Variants in PDE3A observed in about 807,000 individuals in gnomAD.
PDE3A encodes the protein cGMP-inhibited 3',5'-cyclic phosphodiesterase 3A.
PDE3A carries 43 observed loss-of-function variants against 98.3 expected under a neutral mutation model. The observed-to-expected ratio is 0.44, with a 90% CI of 0.34 to 0.56. The LOEUF is 0.56. PDE3A is among the 20% of genes least tolerant of loss of function. The pLI is 0.01. For missense variants in PDE3A, 1,427 were observed against 1,440.7 expected, an observed-to-expected ratio of 0.99 and a Z score of 0.15; for synonymous variants, 663 against 567.9, an observed-to-expected ratio of 1.17 and a Z score of -2.38.
rs1944982709 is a variant in PDE3A, at chr12:20,654,049, G to C, written c.3028G>C (p.Gly1010Arg). The C allele has an allele frequency of 3.1e-6, 5 of 1,614,054 alleles. No individual in the cohort carries two copies. The East Asian group carries it at 1.1e-4, about 36-fold the overall frequency. The change falls in exon 15 of 16, where the codon GGG (glycine) becomes CGG (arginine). Residue 1010 changes from glycine (G) to arginine (R), a missense_variant. By Grantham distance (125) the Gly-to-Arg change is moderately radical. This residue lies in a region of PDE3A where 273 missense variants were observed against 420.3 expected (regional missense o/e 0.65). Transcript: ENST00000359062. ...GGAATCCTTCATCTCTCACATTGTGGGGCCTCTGTGCAACTCCTATGATTC... is the reference window on the plus strand; with the variant it reads ...GGAATCCTTCATCTCTCACATTGTGCGGCCTCTGTGCAACTCCTATGATTC... ...LQESFISHIV[G>R]PLCNSYDSAG...
chr12:20,414,028 G>C (rs985380214), intron 1 of PDE3A, among the ~76,000 whole-genome samples: 1 of 152,160 alleles, frequency 6.6e-6, no homozygotes, highest in African/African-American at 2.4e-5. Flanking sequence ...GAAAGGTGAT[G>C]ATAGATAACA....
At chr12:20,516,605 G>A (rs1946327446) in intron 1 of PDE3A, among the ~76,000 whole-genome samples, 2 of 151,996 alleles carry the variant, frequency 1.3e-5, no homozygotes, top group Non-Finnish European at 1.5e-5. Flanking sequence ...TTTCTAATGA[G>A]GTTTCTTTAA....
intron 1 of PDE3A, among the ~76,000 whole-genome samples, chr12:20,447,436 T>C (rs530759160): frequency 6.6e-6 from 1 of 152,276 alleles, no homozygotes; most frequent in African/African-American, 2.4e-5. Context: ...TTCAGCCCCA[T>C]CTCTCAACCT....
chr12:20,673,839 A>G (rs1592173657), intron 15 of PDE3A, among the ~76,000 whole-genome samples: 1 of 133,328 alleles, frequency 7.5e-6, no homozygotes, highest in African/African-American at 2.9e-5. Context: ...CCTAAAACTT[A>G]AAGTATAATA....
chr12:20,378,593 A>G (rs936759021), intron 1 of PDE3A, among the ~76,000 whole-genome samples: 1 of 151,758 alleles, frequency 6.6e-6, no homozygotes, highest in Non-Finnish European at 1.5e-5. Context: ...GAATCATGGT[A>G]TACAAAGAAG....
At chr12:20,640,010 G>A in intron 10 of PDE3A, 53 bp downstream of exon 10, 3 of 828,738 alleles carry the variant, frequency 3.6e-6, no homozygotes, top group East Asian at 5.0e-5. Flanking sequence ...CGAATTTGCT[G>A]TGGGTAAATG....
At position 20,461,792 on chromosome 12, in the gene PDE3A, G is replaced by A. The variant is rs576419275; in HGVS notation, c.960+91548G>A. Among the ~76,000 whole-genome samples, 10 of 152,232 alleles carry A rather than the reference G, an allele frequency of 6.6e-5. No individual in the cohort carries two copies. In the South Asian group the frequency reaches 1.4e-3, roughly 22 times the overall value. On this transcript the variant is annotated intron_variant, in intron 1 of 15. Transcript: ENST00000359062. ...TTTTCCCAGTTGGTTTACCAAGTGC[G>A]TAAGAATCAGATATCAGTAAAAATG...
At chr12:20,420,323 G>A (rs950942902) in intron 1 of PDE3A, among the ~76,000 whole-genome samples, 1 of 152,026 alleles carries the variant, frequency 6.6e-6, no homozygotes, top group Non-Finnish European at 1.5e-5. Context: ...CTATAAATCC[G>A]ATCTCCACGC....
intron 1 of PDE3A, among the ~76,000 whole-genome samples, chr12:20,383,648 G>T (rs749719979): frequency 4.6e-5 from 7 of 151,954 alleles, no homozygotes; most frequent in Admixed American, 3.9e-4. Context: ...TGGAGTCTCA[G>T]TCTACTCCTA....
intron 1 of PDE3A, chr12:20,371,233 G>T (rs762106711): frequency 8.0e-6 from 2 of 250,680 alleles, no homozygotes; most frequent in African/African-American, 4.6e-5. Flanking sequence ...GCTATAAAGG[G>T]CATAAAGGAA....
At chr12:20,510,071 T>C (rs958824128) in intron 1 of PDE3A, among the ~76,000 whole-genome samples, 12 of 152,046 alleles carry the variant, frequency 7.9e-5, no homozygotes, top group African/African-American at 2.9e-4. Flanking sequence ...TTAATCATTT[T>C]ATGGTAGACA....
intron 1 of PDE3A, among the ~76,000 whole-genome samples, chr12:20,496,902 A>G: frequency 6.6e-6 from 1 of 152,170 alleles, no homozygotes; most frequent in Non-Finnish European, 1.5e-5. Context: ...AGTGTAATTT[A>G]TCTTACTAAT....
intron 1 of PDE3A, among the ~76,000 whole-genome samples, chr12:20,540,604 G>A (rs1401406657): frequency 4.6e-5 from 7 of 152,160 alleles, no homozygotes; most frequent in African/African-American, 1.4e-4. Context: ...GTAAAGTGAC[G>A]ATAGCTTTCA....
intron 15 of PDE3A, among the ~76,000 whole-genome samples, chr12:20,677,585 A>C (rs553326128): frequency 4.6e-5 from 7 of 152,016 alleles, no homozygotes; most frequent in Non-Finnish European, 2.9e-5. Context: ...TCAGCCTTCC[A>C]AGTAGCTGGG....
chr12:20,563,038 G>A (rs76891806), intron 2 of PDE3A, among the ~76,000 whole-genome samples: 1,673 of 152,250 alleles, frequency 0.011, 33 homozygotes, highest in African/African-American at 0.039. Flanking sequence ...GCAACAAATT[G>A]TAAAAATTCT....
In PDE3A at chr12:20,650,556, CA is replaced by C; in HGVS notation, c.2882del (p.His961LeufsTer26). 6.2e-7 allele frequency: 1 copy of C among 1,611,762 alleles called. No individual in the cohort carries two copies. The highest frequency in any genetic ancestry group is 1.1e-5 in the South Asian group (1 of 90,974). On this transcript the variant is annotated frameshift_variant, in exon 14 of 16. Coordinates refer to ENST00000359062, the MANE Select transcript of PDE3A (RefSeq NM_000921.5). LOFTEE classifies it high-confidence loss of function. ...TGGTCCAGCTAAATGTAAAGAACTCCATCTTCAGTGGACAGATGGTATTGTC... is the reference window on the plus strand; with the variant it reads ...TGGTCCAGCTAAATGTAAAGAACTCCTCTTCAGTGGACAGATGGTATTGTC... ...INGPAKCKELHLQWTDGIVNE... is the reference protein window; with the variant it reads ...INGPAKCKELXLQWTDGIVNE...
At chr12:20,402,073 G>T (rs1252017344) in intron 1 of PDE3A, among the ~76,000 whole-genome samples, 1 of 152,174 alleles carries the variant, frequency 6.6e-6, no homozygotes, top group African/African-American at 2.4e-5. Flanking sequence ...GTGGATAGTT[G>T]TGCTGCTGGG....
At chr12:20,593,379 G>A (rs1195225524) in intron 2 of PDE3A, among the ~76,000 whole-genome samples, 4 of 152,108 alleles carry the variant, frequency 2.6e-5, no homozygotes, top group Admixed American at 2.0e-4. Context: ...GTTGAATGTT[G>A]TTCCCTAACT....
At chr12:20,539,560 T>G (rs1459465235) in intron 1 of PDE3A, among the ~76,000 whole-genome samples, 5 of 152,160 alleles carry the variant, frequency 3.3e-5, no homozygotes, top group East Asian at 1.9e-4. Flanking sequence ...TGGCCACTTT[T>G]GTTCACTTAA....
Sources: gnomAD v4.1 joint callset for allele counts (sites outside exome capture counted in the v4.1 genomes callset) on GRCh38, gnomAD v4.1.1 for gene constraint, gnomAD v4.1.1 regional missense constraint, MANE v1.5 for transcripts, NCBI Gene and HGNC (gene_info 2026-07-23, HGNC 2026-07-21) for gene names.